Variants in TRAPPC8 observed in about 807,000 individuals in gnomAD.
TRAPPC8 encodes the protein general sporulation gene 1 homolog.
A neutral mutation model predicts 174.3 loss-of-function variants in TRAPPC8; 54 were observed. The ratio of observed to expected loss-of-function variants is 0.31; its 90% CI spans 0.25 to 0.39. The LOEUF (loss-of-function observed/expected upper bound fraction) is 0.39. Among genes scored for constraint, TRAPPC8 ranks in the 10% least tolerant of loss-of-function variants. The pLI is 1.00. For synonymous variants in TRAPPC8, 630 were observed against 579.9 expected, an observed-to-expected ratio of 1.09 and a Z score of -1.24; for missense variants, 1,531 against 1,699.1, an observed-to-expected ratio of 0.90 and a Z score of 1.74.
intron 12 of TRAPPC8, among the ~76,000 whole-genome samples, chr18:31,878,179 G>A (rs1002644201): frequency 5.3e-5 from 8 of 152,088 alleles, no homozygotes; most frequent in African/African-American, 1.7e-4. Flanking sequence ...CCCTCTGACC[G>A]GGGCGTGATA....
intron 11 of TRAPPC8, among the ~76,000 whole-genome samples, chr18:31,893,036 A>AAC (rs1431131212): frequency 6.8e-6 from 1 of 147,928 alleles, no homozygotes; most frequent in Non-Finnish European, 1.5e-5. Flanking sequence ...GAAAAAAAAA[A>AAC]AAAAACAACA....
chr18:31,940,269 G>A lies in TRAPPC8; in HGVS notation c.157+2339C>T, dbSNP rs544737899. 1.4e-4 allele frequency among the ~76,000 whole-genome samples: 21 copies of A among 152,138 alleles called. No individual in the cohort carries two copies. The South Asian group carries it at 3.7e-3, about 27-fold the overall frequency. On this transcript the variant is annotated intron_variant, in intron 1 of 28. Transcript: ENST00000283351. ...AGGCGGGCGGACCACGAGGTCAGGA[G>A]TTCGAGACCAGCCTGGCCAACATGG...
At chr18:31,858,048 C>T in intron 19 of TRAPPC8, 66 bp from the exon 20 acceptor site, 1 of 1,294,532 alleles carries the variant, frequency 7.7e-7, no homozygotes, top group Non-Finnish European at 1.1e-6. Flanking sequence ...ATGAATAACA[C>T]TTTAAGACAC....
intron 12 of TRAPPC8, among the ~76,000 whole-genome samples, chr18:31,885,900 A>C (rs1479593120): frequency 6.6e-6 from 1 of 152,066 alleles, no homozygotes; most frequent in East Asian, 1.9e-4. Flanking sequence ...AAGGTATTTG[A>C]GGATAATACG....
rs79522315 is a variant in TRAPPC8, at chr18:31,884,633, T to C, written c.1728+6102A>G. Among the ~76,000 whole-genome samples the C allele has an allele frequency of 2.2e-3, 335 of 152,290 alleles. 11 individuals carry two copies. In the East Asian group the frequency reaches 0.058, roughly 26 times the overall value. On this transcript the variant is annotated intron_variant, in intron 12 of 28. Transcript: ENST00000283351. ...GCTTTTTTTTCACTAAACTTTTGTT[T>C]CAAAATATACTAGTTTCCACTGTCC...
intron 9 of TRAPPC8, among the ~76,000 whole-genome samples, chr18:31,906,323 A>G (rs898875553): frequency 3.4e-4 from 52 of 151,100 alleles, no homozygotes; most frequent in African/African-American, 1.1e-3. Flanking sequence ...AAAAAAAAAA[A>G]GTGGGCTGAC....
At chr18:31,880,121 A>ATTT (rs56728828) in intron 12 of TRAPPC8, among the ~76,000 whole-genome samples, 147 of 69,046 alleles carry the variant, frequency 2.1e-3, no homozygotes, top group African/African-American at 7.6e-3. Context: ...ATATATATAT[A>ATTT]TTTTTTTTTT....
intron 9 of TRAPPC8, among the ~76,000 whole-genome samples, chr18:31,906,334 T>C (rs993575724): frequency 6.6e-6 from 1 of 150,774 alleles, no homozygotes; most frequent in African/African-American, 2.4e-5. Context: ...GTGGGCTGAC[T>C]TTTTTCATTA....
At position 31,935,276 on chromosome 18, in the gene TRAPPC8, G is replaced by A. The variant is rs368193578; in HGVS notation, c.158-3753C>T. Reference sequence around the variant, plus strand: ...GAATTGCTTGAACCTTGGAAGTGGAGGTTGCAGTGAGCCGAGATTGCGCCA... The same window carrying A: ...GAATTGCTTGAACCTTGGAAGTGGAAGTTGCAGTGAGCCGAGATTGCGCCA... On this transcript the variant is annotated intron_variant, in intron 1 of 28. Transcript: ENST00000283351. Among the ~76,000 whole-genome samples the A allele has an allele frequency of 1.2e-4, 18 of 150,402 alleles. No individual in the cohort carries two copies. In the East Asian group the frequency reaches 3.0e-3, roughly 25 times the overall value.
chr18:31,897,203 CTT>C (rs2036219301), intron 11 of TRAPPC8, among the ~76,000 whole-genome samples: 1 of 152,174 alleles, frequency 6.6e-6, no homozygotes, highest in Non-Finnish European at 1.5e-5. Flanking sequence ...TACTACCATT[CTT>C]TACAAGCCTG....
At position 31,857,554 on chromosome 18, in the gene TRAPPC8, C is replaced by T. The variant is rs767332225; in HGVS notation, c.3174G>A (p.Lys1058=). 159 of 1,590,904 alleles carry T rather than the reference C, an allele frequency of 1.0e-4. No individual in the cohort carries two copies. The highest frequency in any genetic ancestry group is 1.3e-4 in the Non-Finnish European group (148 of 1,170,044). The change falls in exon 20 of 29, where the codon AAG becomes AAA. Residue 1058 remains lysine (K), a synonymous_variant. Transcript: ENST00000283351. Reference sequence around the variant, plus strand: ...ATAATACTAACCGTATTTTTGGCTGCTTTTTGACACTTTCATAGTAAAACA... The same window carrying T: ...ATAATACTAACCGTATTTTTGGCTGTTTTTTGACACTTTCATAGTAAAACA... ...NFLFYYESVK[K]QPKIRHRILR...
rs537737603 is a variant in TRAPPC8, at chr18:31,843,758, A to G, written c.3837+2958T>C. 3.9e-5 allele frequency among the ~76,000 whole-genome samples: 6 copies of G among 152,378 alleles called. 1 individual carries two copies. The highest frequency in any genetic ancestry group is 1.4e-4 in the African/African-American group (6 of 41,590). ...TAAAGCAAACAAATTCAACCTCAAT[A>G]AATAAGTCTACCTGGGGGATAGACG... On this transcript the variant is annotated intron_variant, in intron 26 of 28. Transcript: ENST00000283351.
intron 9 of TRAPPC8, among the ~76,000 whole-genome samples, chr18:31,903,321 C>T (rs948654806): frequency 3.3e-5 from 5 of 152,148 alleles, no homozygotes; most frequent in African/African-American, 4.8e-5. Context: ...ATAAGTAATA[C>T]ATTTATATAA....
intron 5 of TRAPPC8, among the ~76,000 whole-genome samples, chr18:31,912,680 AG>A (rs2036967546): frequency 6.6e-6 from 1 of 151,916 alleles, no homozygotes; most frequent in Non-Finnish European, 1.5e-5. Flanking sequence ...GAAAAGAAAA[AG>A]AAAAATGTAG....
chr18:31,911,934 T>C (rs1282544374), intron 5 of TRAPPC8, among the ~76,000 whole-genome samples: 1 of 149,418 alleles, frequency 6.7e-6, no homozygotes, highest in African/African-American at 2.5e-5. Context: ...TTATCTGAAC[T>C]AAGCATAGGA....
At chr18:31,898,855 TTTC>T (rs1356223497) in intron 10 of TRAPPC8, among the ~76,000 whole-genome samples, 1 of 152,206 alleles carries the variant, frequency 6.6e-6, no homozygotes, top group African/African-American at 2.4e-5. Flanking sequence ...AGCAAAAGTT[TTTC>T]TTTTTACTTT....
At chr18:31,906,280 C>T (rs1392114463) in intron 9 of TRAPPC8, among the ~76,000 whole-genome samples, 2 of 144,904 alleles carry the variant, frequency 1.4e-5, no homozygotes, top group Non-Finnish European at 3.0e-5. Flanking sequence ...TGGAGGTTGC[C>T]GTGAGCTGAA....
chr18:31,874,022 T>G (rs951718454), intron 13 of TRAPPC8: 1 of 183,626 alleles, frequency 5.4e-6, no homozygotes, highest in East Asian at 1.5e-4. Context: ...AAACAGTCCT[T>G]CTTCCTGTTA....
At chr18:31,909,592 T>C (rs772867668) in intron 6 of TRAPPC8, 75 bp downstream of exon 6, 5 of 1,524,610 alleles carry the variant, frequency 3.3e-6, no homozygotes, top group Non-Finnish European at 4.4e-6. Flanking sequence ...ATCTTTTATC[T>C]ATAAAGGTTA....
Sources: gnomAD v4.1 joint callset for allele counts (sites outside exome capture counted in the v4.1 genomes callset) on GRCh38, gnomAD v4.1.1 for gene constraint, MANE v1.5 for transcripts, NCBI Gene and HGNC (gene_info 2026-07-23, HGNC 2026-07-21) for gene names.